Variants in GRTP1 observed in about 807,000 individuals in gnomAD.
GRTP1 encodes the protein growth hormone-regulated TBC protein 1.
GRTP1 carries 56 observed loss-of-function variants against 38.1 expected under a neutral mutation model. That is an observed-to-expected ratio of 1.47 (90% confidence interval 1.19 to 1.84). GRTP1 has a LOEUF of 1.84. Ranked by LOEUF, GRTP1 falls within the 40% of genes most tolerant of loss-of-function variation. GRTP1 has a pLI of 0.00. For missense variants in GRTP1, 506 were observed against 453.9 expected (o/e 1.11, Z -1.04); for synonymous variants, 217 against 189.5 (o/e 1.14, Z -1.19).
At chr13:113,338,450 C>A (rs1305601574) in intron 5 of GRTP1, among the ~76,000 whole-genome samples, 6 of 152,080 alleles carry the variant, frequency 3.9e-5, no homozygotes. Flanking sequence ...AGCGATGAAC[C>A]AAACAGTCCG....
intron 3 of GRTP1, among the ~76,000 whole-genome samples, chr13:113,353,452 A>G (rs565016162): frequency 1.3e-5 from 2 of 152,380 alleles, no homozygotes; most frequent in African/African-American, 4.8e-5. Context: ...TTGTCACACA[A>G]GATGCAGTAC....
chr13:113,331,648 CTTTTTTTTTTTTTTTTT>C (rs59328510), intron 5 of GRTP1, among the ~76,000 whole-genome samples: 2 of 92,990 alleles, frequency 2.2e-5, no homozygotes, highest in African/African-American at 4.6e-5. Context: ...GTTTGGTTTA[CTTTTTTTTTTTTTTTTT>C]TTTTTTTTTA....
intron 4 of GRTP1, among the ~76,000 whole-genome samples, chr13:113,347,356 A>G (rs865861883): frequency 0.019 from 542 of 29,076 alleles, 5 homozygotes; most frequent in Non-Finnish European, 0.025. Context: ...GTGGCCAAGA[A>G]CAGATCCGGG....
chr13:113,345,023 T>A (rs1252437417), intron 4 of GRTP1, 64 bp from the exon 5 acceptor site: 3 of 1,539,712 alleles, frequency 1.9e-6, no homozygotes, highest in Non-Finnish European at 2.6e-6. Flanking sequence ...GATTCTGCAA[T>A]CATTCGGCTA....
chr13:113,332,075 C>T (rs1318980817), intron 5 of GRTP1, among the ~76,000 whole-genome samples: 1 of 151,650 alleles, frequency 6.6e-6, no homozygotes, highest in Non-Finnish European at 1.5e-5. Flanking sequence ...TCCAGACCAG[C>T]CTGGGCAACA....
In GRTP1 at chr13:113,340,704, C is replaced by T. The variant is rs201062653; in HGVS notation, c.562+4159G>A. On this transcript the variant is annotated intron_variant, in intron 5 of 7. Transcript: ENST00000375431. ...CTGAGGCAGGAGAATGGCGTGAACCCGGGAGGCGGAGCTTGCAGTGAGCCG... is the reference window on the plus strand; with the variant it reads ...CTGAGGCAGGAGAATGGCGTGAACCTGGGAGGCGGAGCTTGCAGTGAGCCG... Among the ~76,000 whole-genome samples the T allele has an allele frequency of 1.9e-3, 288 of 150,096 alleles. 9 individuals are homozygous for T. In the East Asian group the frequency reaches 0.044, roughly 23 times the overall value.
chr13:113,333,838 A>ATTTAGTGTGTGTGTGTGTGT (rs749095615), intron 5 of GRTP1, among the ~76,000 whole-genome samples: 1 of 23,594 alleles, frequency 4.2e-5, no homozygotes, highest in African/African-American at 6.8e-5. Flanking sequence ...TTATTTATTT[A>ATTTAGTGTGTGTGTGTGTGT]GTGTGTGTGT....
rs77883493 is a variant in GRTP1, at chr13:113,330,728, A to G, written c.563-4637T>C. Among the ~76,000 whole-genome samples, 58 of 48,012 alleles carry G rather than the reference A, an allele frequency of 1.2e-3. 26 individuals carry two copies. Among genetic ancestry groups the G allele is most frequent in the South Asian group, 2.0e-3 (2 of 982 alleles). 31.5% of individuals were successfully genotyped at this position (48,012 alleles called of 152,430 possible). A position where few individuals can be genotyped will look rare whatever the true frequency, so the allele number is the denominator to read the frequency against. On this transcript the variant is annotated intron_variant, in intron 5 of 7. Transcript: ENST00000375431. ...CATGGAAACCCGGGTGTGTGCATGGAAACCCAGGTGTGTGCATGGGAGCCC... is the reference window on the plus strand; with the variant it reads ...CATGGAAACCCGGGTGTGTGCATGGGAACCCAGGTGTGTGCATGGGAGCCC...
chr13:113,332,346 CACACA>C (rs1424171391), intron 5 of GRTP1, among the ~76,000 whole-genome samples: 1 of 95,878 alleles, frequency 1.0e-5, no homozygotes, highest in African/African-American at 5.0e-5. Flanking sequence ...ACGCACGCCA[CACACA>C]GGTACACACG....
chr13:113,333,298 G>A (rs1461833789), intron 5 of GRTP1, among the ~76,000 whole-genome samples: 1 of 152,154 alleles, frequency 6.6e-6, no homozygotes, highest in Non-Finnish European at 1.5e-5. Flanking sequence ...CACAGCCCAG[G>A]TGCCCATGCA....
intron 3 of GRTP1, among the ~76,000 whole-genome samples, chr13:113,352,180 A>G (rs1348225971): frequency 1.4e-5 from 2 of 146,500 alleles, no homozygotes; most frequent in African/African-American, 2.5e-5. Context: ...TTCAGACTAG[A>G]GTGACCAGCT....
intron 4 of GRTP1, among the ~76,000 whole-genome samples, chr13:113,346,577 GCCGAGA>G (rs2043141589): frequency 6.2e-5 from 1 of 16,060 alleles, no homozygotes; most frequent in African/African-American, 6.9e-5. Flanking sequence ...GACCTCTGTG[GCCGAGA>G]ACAGACCCGG....
At position 113,326,068 on chromosome 13, in the gene GRTP1, C is replaced by T; in HGVS notation, c.586G>A (p.Gly196Ser). The T allele has an allele frequency of 6.2e-7, 1 of 1,611,002 alleles. No individual in the cohort carries two copies. The highest frequency in any genetic ancestry group is 2.2e-5 in the East Asian group (1 of 44,840). Residue 196 changes from glycine (G) to serine (S), a missense_variant, in exon 6 of 8, where the codon GGC becomes AGC. Physicochemically the swap from Gly to Ser is moderately conservative, Grantham distance 56. Transcript: ENST00000375431. The part of the protein sequence containing the change: ...LPDYYSPAML[G>S]LKTDQEVLGE... ...AGGACCTCCTGGTCGGTCTTCAGGC[C>T]CAGCATGGCCGGGCTGTAGTAATCT...
In GRTP1 at chr13:113,349,743, G is replaced by C. The variant is rs1201455286; in HGVS notation, c.465+1106C>G. Reference sequence around the variant, plus strand: ...CTCCTCGGGAGCATTCACTCTGCCAGGTGCCAGGCCCAGGGCTGTCCAGGC... The same window carrying C: ...CTCCTCGGGAGCATTCACTCTGCCACGTGCCAGGCCCAGGGCTGTCCAGGC... On this transcript the variant is annotated intron_variant, in intron 4 of 7. Coordinates refer to ENST00000375431, the MANE Select transcript of GRTP1 (RefSeq NM_024719.4). The surrounding 1 kb of genome is among the most constrained non-coding windows in gnomAD (Gnocchi z 5.0). Among the ~76,000 whole-genome samples the C allele has an allele frequency of 6.6e-6, 1 of 152,168 alleles. No individual in the cohort carries two copies. The highest frequency in any genetic ancestry group is 1.5e-5 in the Non-Finnish European group (1 of 68,030).
rs1445621828 is a variant in GRTP1, at chr13:113,345,659, C to T, written c.466-700G>A. Among the ~76,000 whole-genome samples, 12 of 152,360 alleles carry T rather than the reference C, an allele frequency of 7.9e-5. No homozygotes were observed. In the Middle Eastern group the frequency reaches 0.014, roughly 173 times the overall value. On this transcript the variant is annotated intron_variant, in intron 4 of 7. Coordinates refer to ENST00000375431, the MANE Select transcript of GRTP1 (RefSeq NM_024719.4). ...TCTGCCAGCCCACAAGATCAATTCA[C>T]GTGATCGGAAGTGCGGAGGGGCAGC...
intron 5 of GRTP1, among the ~76,000 whole-genome samples, chr13:113,334,569 G>A (rs139910068): frequency 1.8e-3 from 277 of 152,218 alleles, no homozygotes; most frequent in African/African-American, 6.2e-3. Flanking sequence ...TGAGAAACTG[G>A]TGGAAATCCT....
chr13:113,324,866 G>A, intron 7 of GRTP1: 1 of 1,025,420 alleles, frequency 9.8e-7, no homozygotes, highest in Non-Finnish European at 1.2e-6. Context: ...TCACTCTGTT[G>A]CCCAGGCTGG....
intron 4 of GRTP1, among the ~76,000 whole-genome samples, chr13:113,347,423 CGGG>C (rs2043170507): frequency 1.2e-5 from 1 of 84,330 alleles, no homozygotes; most frequent in African/African-American, 5.5e-5. Flanking sequence ...ACAGTGGACC[CGGG>C]AGGACCTCTG....
At chr13:113,352,270 T>TTTTATA (rs1566437549) in intron 3 of GRTP1, among the ~76,000 whole-genome samples, 1 of 33,972 alleles carries the variant, frequency 2.9e-5, no homozygotes, top group Non-Finnish European at 5.1e-5. Context: ...ATTTTTATAT[T>TTTTATA]TTTATATATA....
Sources: allele counts gnomAD v4.1 joint callset (sites outside exome capture counted in the v4.1 genomes callset), GRCh38; gene constraint gnomAD v4.1.1; non-coding constraint Gnocchi (gnomAD v3.1); transcripts MANE v1.5; gene names NCBI Gene and HGNC (gene_info 2026-07-23, HGNC 2026-07-21).